PRKG1: variants seen among roughly 807,000 people sequenced by gnomAD.
PRKG1 encodes the protein cGMP-dependent protein kinase 1.
In PRKG1, 35 loss-of-function variants were observed where a neutral mutation model predicts 88.1. The ratio of observed to expected loss-of-function variants is 0.40; its 90% confidence interval spans 0.30 to 0.53. The LOEUF is 0.53. Ranked by LOEUF, PRKG1 falls within the 20% of genes least tolerant of loss-of-function variation. The pLI is 0.59. For synonymous variants in PRKG1, 303 were observed against 292.5 expected, an observed-to-expected ratio of 1.04 and a Z score of -0.37; for missense variants, 540 against 839.8, an observed-to-expected ratio of 0.64 and a Z score of 4.41.
chr10:51,304,240 A>C (rs866353799), intron 2 of PRKG1, among the ~76,000 whole-genome samples: 5 of 127,962 alleles, frequency 3.9e-5, no homozygotes, highest in African/African-American at 1.1e-4. Context: ...AAGCACTTGA[A>C]AATTAGTTAG....
At chr10:51,135,148 C>A (rs1002280879) in intron 1 of PRKG1, among the ~76,000 whole-genome samples, 2 of 152,100 alleles carry the variant, frequency 1.3e-5, no homozygotes, top group African/African-American at 4.8e-5. Flanking sequence ...GGAGTTAATT[C>A]ATCTAATTTG....
intron 3 of PRKG1, among the ~76,000 whole-genome samples, chr10:51,714,092 G>A (rs1841827642): frequency 6.6e-6 from 1 of 152,090 alleles, no homozygotes. Flanking sequence ...CCATTCTCCT[G>A]CCTCAGCCTC....
intron 2 of PRKG1, among the ~76,000 whole-genome samples, chr10:51,447,913 T>C (rs888720340): frequency 6.6e-5 from 10 of 152,076 alleles, no homozygotes; most frequent in African/African-American, 2.4e-4. Context: ...AAATTACAAA[T>C]GGCTTCTCAT....
intron 3 of PRKG1, among the ~76,000 whole-genome samples, chr10:51,784,934 A>G (rs1439204269): frequency 6.6e-6 from 1 of 152,100 alleles, no homozygotes; most frequent in African/African-American, 2.4e-5. Flanking sequence ...ACAGGTGAGC[A>G]ATTAGTGTAA....
In PRKG1 at chr10:50,991,424, G is replaced by A; in HGVS notation, c.46G>A (p.Glu16Lys). The A allele has an allele frequency of 6.3e-7, 1 of 1,582,972 alleles. No homozygotes were observed. The highest frequency in any genetic ancestry group is 8.6e-7 in the Non-Finnish European group (1 of 1,165,320). Residue 16 changes from glutamate to lysine, a missense_variant, in exon 1 of 18, where the codon GAG becomes AAG. By Grantham distance (56) the Glu-to-Lys change is moderately conservative. Coordinates refer to the PRKG1 transcript ENST00000401604. This position sits in a 1 kb window ranked among gnomAD's most constrained non-coding sequence, Gnocchi z 4.5. The stretch of plus-strand genomic sequence containing the variant: ...CTTTGCCAAGATTCTCATGCTCAAG[G>A]AGGAGAGGATCAAAGAGCTGGAGAA...
At chr10:52,104,024 T>TAA (rs1402048975) in intron 7 of PRKG1, among the ~76,000 whole-genome samples, 8 of 145,456 alleles carry the variant, frequency 5.5e-5, no homozygotes, top group South Asian at 4.3e-4. Context: ...TATATATATA[T>TAA]AATGAGATAT....
intron 1 of PRKG1, among the ~76,000 whole-genome samples, chr10:51,017,645 T>A (rs960437647): frequency 2.0e-5 from 3 of 152,164 alleles, no homozygotes; most frequent in African/African-American, 2.4e-5. Flanking sequence ...TGCACTGACT[T>A]CAAATTTTTT....
At chr10:51,993,251 T>A (rs976382362) in intron 5 of PRKG1, among the ~76,000 whole-genome samples, 1 of 152,134 alleles carries the variant, frequency 6.6e-6, no homozygotes, top group African/African-American at 2.4e-5. Context: ...TATTCCAAGG[T>A]TTTTATTTCC....
intron 2 of PRKG1, among the ~76,000 whole-genome samples, chr10:51,167,292 G>T (rs188690816): frequency 1.0e-3 from 158 of 152,286 alleles, no homozygotes; most frequent in Non-Finnish European, 1.8e-3. Flanking sequence ...CCAAACAAAA[G>T]TGTGGGTAGA....
chr10:52,160,085 TA>T (rs899724178), intron 8 of PRKG1, among the ~76,000 whole-genome samples: 17 of 151,918 alleles, frequency 1.1e-4, no homozygotes, highest in African/African-American at 3.6e-4. Context: ...TCTTATTATC[TA>T]AAAAACCCCC....
chr10:51,276,832 T>C (rs1440734487), intron 2 of PRKG1, among the ~76,000 whole-genome samples: 1 of 152,198 alleles, frequency 6.6e-6, no homozygotes, highest in African/African-American at 2.4e-5. Context: ...CGTAAATTTG[T>C]TTGATTTCAT....
chr10:51,556,151 G>GT, intron 3 of PRKG1, among the ~76,000 whole-genome samples: 1 of 151,944 alleles, frequency 6.6e-6, no homozygotes, highest in African/African-American at 2.4e-5. Flanking sequence ...CAGTAAAGAA[G>GT]TTTTTTTCTA....
intron 1 of PRKG1, among the ~76,000 whole-genome samples, chr10:51,113,944 C>CGTGTGTGTGTGTGT (rs35562284): frequency 1.9e-4 from 27 of 139,124 alleles, no homozygotes; most frequent in African/African-American, 5.9e-4. Context: ...AGCCTGTAAA[C>CGTGTGTGTGTGTGT]GTGTGTGTGT....
At chr10:51,275,361 A>C (rs1840087065) in intron 2 of PRKG1, among the ~76,000 whole-genome samples, 1 of 151,996 alleles carries the variant, frequency 6.6e-6, no homozygotes, top group Non-Finnish European at 1.5e-5. Context: ...TCTTTTGTTC[A>C]TAAAACTTTT....
At chr10:52,066,861 A>G (rs750031902) in intron 7 of PRKG1, among the ~76,000 whole-genome samples, 5 of 152,234 alleles carry the variant, frequency 3.3e-5, no homozygotes, top group East Asian at 1.9e-4. Context: ...TGTGATTTCT[A>G]TCACTCAGAT....
At chr10:51,281,340 T>G (rs1840289843) in intron 2 of PRKG1, among the ~76,000 whole-genome samples, 1 of 152,084 alleles carries the variant, frequency 6.6e-6, no homozygotes, top group African/African-American at 2.4e-5. Context: ...GTCTGTCCAT[T>G]CTCAGATATC....
chr10:51,680,675 T>C (rs1401549678), intron 3 of PRKG1, among the ~76,000 whole-genome samples: 3 of 152,268 alleles, frequency 2.0e-5, no homozygotes, highest in Non-Finnish European at 2.9e-5. Flanking sequence ...GTTCCTATAG[T>C]ACTATGGTGC....
chr10:51,268,973 G>A (rs1323376206), intron 2 of PRKG1, among the ~76,000 whole-genome samples: 1 of 151,976 alleles, frequency 6.6e-6, no homozygotes, highest in African/African-American at 2.4e-5. Context: ...TTCCATTCGG[G>A]GTCCCTGACT....
At chr10:51,989,076 A>G (rs961280438) in intron 5 of PRKG1, among the ~76,000 whole-genome samples, 2 of 152,100 alleles carry the variant, frequency 1.3e-5, no homozygotes, top group Non-Finnish European at 2.9e-5. Context: ...AGTAGAGATG[A>G]GCACAAAAGT....
Sources: gnomAD v4.1 joint callset for allele counts (sites outside exome capture counted in the v4.1 genomes callset) on GRCh38, gnomAD v4.1.1 for gene constraint, Gnocchi (gnomAD v3.1) non-coding constraint, MANE v1.5 for transcripts, NCBI Gene and HGNC (gene_info 2026-07-23, HGNC 2026-07-21) for gene names.